NRXN3: variants seen among roughly 807,000 people sequenced by gnomAD.
NRXN3 encodes neurexin III.
A neutral mutation model predicts 137.6 loss-of-function variants in NRXN3; 32 were observed. The observed-to-expected ratio is 0.23, with a 90% CI of 0.18 to 0.31. The LOEUF is 0.31. Ranked by LOEUF, NRXN3 falls within the 10% of genes least tolerant of loss-of-function variation. The pLI, the probability that NRXN3 is intolerant of heterozygous loss-of-function variation, is 1.00. For synonymous variants in NRXN3, 798 were observed against 784.5 expected, an observed-to-expected ratio of 1.02 and a Z score of -0.29; for missense variants, 1,574 against 2,062.5, an observed-to-expected ratio of 0.76 and a Z score of 4.59.
chr14:78,897,890 T>C (rs1205142311), intron 10 of NRXN3, among the ~76,000 whole-genome samples: 1 of 152,008 alleles, frequency 6.6e-6, no homozygotes, highest in Non-Finnish European at 1.5e-5. Context: ...CTTATTAATT[T>C]ATGCTTAGCA....
chr14:79,332,056 G>C (rs546075855), intron 15 of NRXN3, among the ~76,000 whole-genome samples: 2 of 152,148 alleles, frequency 1.3e-5, no homozygotes, highest in African/African-American at 4.8e-5. Context: ...TTAGCTCTCA[G>C]CATGGTTGCC....
chr14:78,444,392 G>C (rs563587292), intron 4 of NRXN3, among the ~76,000 whole-genome samples: 1 of 152,096 alleles, frequency 6.6e-6, no homozygotes, highest in Non-Finnish European at 1.5e-5. Flanking sequence ...TCGGAGTCCT[G>C]GGGAAAATAC....
At chr14:79,107,872 T>C (rs2052734268) in intron 15 of NRXN3, among the ~76,000 whole-genome samples, 1 of 152,046 alleles carries the variant, frequency 6.6e-6, no homozygotes, top group Admixed American at 6.6e-5. Flanking sequence ...CTAATCCAAG[T>C]AAAAAAAGAT....
intron 17 of NRXN3, among the ~76,000 whole-genome samples, chr14:79,681,570 T>TAC (rs2098670552): frequency 1.3e-5 from 2 of 152,090 alleles, no homozygotes; most frequent in Non-Finnish European, 1.5e-5. Flanking sequence ...CAAGCATTCA[T>TAC]ACACAGATGG....
intron 15 of NRXN3, among the ~76,000 whole-genome samples, chr14:79,113,333 C>T (rs972785361): frequency 6.6e-6 from 1 of 152,086 alleles, no homozygotes; most frequent in Admixed American, 6.6e-5. Flanking sequence ...ACTTGGGGAC[C>T]TTTTGAATGT....
intron 2 of NRXN3, among the ~76,000 whole-genome samples, chr14:78,274,124 C>T (rs767271735): frequency 3.2e-4 from 48 of 152,158 alleles, no homozygotes; most frequent in Non-Finnish European, 4.0e-4. Context: ...AGGACTACCC[C>T]GGCTGAGCTA....
At chr14:79,735,522 T>A (rs184047704) in intron 19 of NRXN3, among the ~76,000 whole-genome samples, 1 of 152,154 alleles carries the variant, frequency 6.6e-6, no homozygotes, top group African/African-American at 2.4e-5. Flanking sequence ...GTCTTCTGAG[T>A]TATGAAAGCA....
intron 4 of NRXN3, among the ~76,000 whole-genome samples, chr14:78,500,990 G>T (rs573135038): frequency 6.6e-6 from 1 of 152,202 alleles, no homozygotes; most frequent in Non-Finnish European, 1.5e-5. Context: ...TTGGAGGCTA[G>T]AGAGTACAGG....
chr14:79,508,556 GT>G (rs1312663224), intron 16 of NRXN3, among the ~76,000 whole-genome samples: 2 of 150,780 alleles, frequency 1.3e-5, no homozygotes, highest in Non-Finnish European at 3.0e-5. Flanking sequence ...CGCCCGGCTA[GT>G]TTTTTTGTAT....
chr14:79,161,472 A>G (rs2060764582), intron 15 of NRXN3, among the ~76,000 whole-genome samples: 1 of 151,986 alleles, frequency 6.6e-6, no homozygotes, highest in South Asian at 2.1e-4. Context: ...AGGCAGAAAC[A>G]TCTTGACACG....
At chr14:79,424,472 C>G (rs987494056) in intron 15 of NRXN3, among the ~76,000 whole-genome samples, 1 of 152,158 alleles carries the variant, frequency 6.6e-6, no homozygotes, top group Admixed American at 6.5e-5. Context: ...GTGTTAGGTA[C>G]TTTGCTAACC....
At chr14:78,862,263 GATAGATAA>G (rs1481932093) in intron 10 of NRXN3, among the ~76,000 whole-genome samples, 92 of 152,018 alleles carry the variant, frequency 6.1e-4, no homozygotes, top group African/African-American at 1.7e-3. Flanking sequence ...TAGATAGATA[GATAGATAA>G]ATAGATAGAT....
chr14:78,587,508 G>T (rs759510716), intron 4 of NRXN3, among the ~76,000 whole-genome samples: 6 of 152,272 alleles, frequency 3.9e-5, no homozygotes, highest in East Asian at 1.9e-4. Flanking sequence ...TAAATGAGAT[G>T]ATTTTAATGA....
intron 8 of NRXN3, among the ~76,000 whole-genome samples, chr14:78,749,656 A>G (rs1349829551): frequency 2.0e-5 from 3 of 152,210 alleles, no homozygotes; most frequent in East Asian, 3.8e-4. Context: ...ATGTATCTTA[A>G]TTCTTTGGGA....
chr14:78,415,767 C>A (rs1422268845), intron 4 of NRXN3, among the ~76,000 whole-genome samples: 1 of 151,880 alleles, frequency 6.6e-6, no homozygotes, highest in Non-Finnish European at 1.5e-5. Flanking sequence ...GACATTGGAG[C>A]ACTTATGATG....
intron 16 of NRXN3, among the ~76,000 whole-genome samples, chr14:79,632,783 A>G (rs942016818): frequency 1.3e-5 from 2 of 152,116 alleles, no homozygotes; most frequent in African/African-American, 4.8e-5. Flanking sequence ...AAGATTTTAA[A>G]ATATTAACCA....
At chr14:79,095,558 ATT>A (rs11334402) in intron 15 of NRXN3, among the ~76,000 whole-genome samples, 73 of 150,124 alleles carry the variant, frequency 4.9e-4, no homozygotes, top group Non-Finnish European at 4.9e-4. Context: ...AGCACCTACT[ATT>A]TTTTTTTTTT....
At chr14:79,342,242 G>A (rs1302616744) in intron 15 of NRXN3, among the ~76,000 whole-genome samples, 2 of 152,156 alleles carry the variant, frequency 1.3e-5, no homozygotes, top group Non-Finnish European at 2.9e-5. Context: ...AGCAGTTTGA[G>A]AGCAAAGGTC....
At chr14:78,282,075 A>G (rs779533642) in intron 3 of NRXN3, 28 of 473,780 alleles carry the variant, frequency 5.9e-5, no homozygotes, top group Non-Finnish European at 1.0e-4. Context: ...AAGGAGTGCA[A>G]ACTGAGGCCC....
Sources: allele counts gnomAD v4.1 joint callset (sites outside exome capture counted in the v4.1 genomes callset), GRCh38; gene constraint gnomAD v4.1.1; transcripts MANE v1.5; gene names NCBI Gene and HGNC (gene_info 2026-07-23, HGNC 2026-07-21).